The following PRORP variants were observed in gnomAD, a reference collection of about 807,000 sequenced individuals.
The protein encoded by PRORP is mitochondrial ribonuclease P catalytic subunit.
A neutral mutation model predicts 59.4 loss-of-function variants in PRORP; 51 were observed. The ratio of observed to expected loss-of-function variants is 0.86; its 90% CI spans 0.69 to 1.08. The LOEUF (loss-of-function observed/expected upper bound fraction) is 1.08, where lower values mean the gene tolerates loss of function less well. Ranked by LOEUF, PRORP falls within the 50% of genes least tolerant of loss-of-function variation. The pLI, the probability that PRORP is intolerant of heterozygous loss-of-function variation, is 0.00. For missense variants in PRORP, 646 were observed against 690.3 expected, an observed-to-expected ratio of 0.94 and a Z score of 0.72; for synonymous variants, 231 against 245.6, an observed-to-expected ratio of 0.94 and a Z score of 0.55.
intron 4 of PRORP, chr14:35,158,792 C>T (rs962726359): frequency 2.8e-6 from 1 of 355,072 alleles, no homozygotes; most frequent in African/African-American, 2.2e-5. Context: ...TTGATTAAAA[C>T]TTTGGATTGT....
chr14:35,177,715 T>C lies in PRORP; in HGVS notation c.1168-2955T>C, dbSNP rs1390653385. ...ACCAGCTCCTAGATTCATTGATTTT[T>C]TTGAAGGGTTTTTTGTGTCTCTGTC... On this transcript the variant is annotated intron_variant, in intron 4 of 7. Transcript: ENST00000534898. Among the ~76,000 whole-genome samples the C allele has an allele frequency of 2.6e-5, 4 of 152,226 alleles. No individual in the cohort carries two copies. The East Asian group carries it at 7.7e-4, about 29-fold the overall frequency.
chr14:35,125,635 A>C (rs2047078019), intron 2 of PRORP, among the ~76,000 whole-genome samples: 1 of 152,094 alleles, frequency 6.6e-6, no homozygotes, highest in Non-Finnish European at 1.5e-5. Context: ...ATTATGCTTA[A>C]TTATCTTAAA....
Position 35,274,634 on chromosome 14 carries a change from C to G in PRORP, c.*1068C>G, listed in dbSNP as rs769512661. On this transcript the variant is annotated 3_prime_UTR_variant, in exon 8 of 8. Transcript: ENST00000534898. ...CTGCACTCTAGCCTGGGTGACAGAG[C>G]GAGACCTTGTCTCAAAACAAAACAA... 3 of 152,148 alleles carry G rather than the reference C, an allele frequency of 2.0e-5. No homozygotes were observed. The highest frequency in any genetic ancestry group is 4.4e-5 in the Non-Finnish European group (3 of 68,060). 9.4% of individuals were successfully genotyped at this position (152,148 alleles called of 1,614,324 possible).
At position 35,123,699 on chromosome 14, in the gene PRORP, C is replaced by G; in HGVS notation, c.454C>G (p.His152Asp). 1 of 1,614,186 alleles carries G rather than the reference C, an allele frequency of 6.2e-7. No individual in the cohort carries two copies. The change falls in exon 2 of 8, where the codon CAT becomes GAT. Residue 152 changes from histidine to aspartate, a missense_variant. Coordinates refer to ENST00000534898, the MANE Select transcript of PRORP (RefSeq NM_014672.4). ...GATCATTTCACAGATGGCTGGCTGT[C>G]ATAGCTCTATAGATGTGGCTAAATC... ...SWIISQMAGC[H>D]SSIDVAKSLL...
intron 5 of PRORP, among the ~76,000 whole-genome samples, chr14:35,265,805 T>C (rs951605033): frequency 1.3e-4 from 20 of 152,200 alleles, no homozygotes; most frequent in African/African-American, 4.3e-4. Flanking sequence ...AGGTTTGACA[T>C]GTATAGGAAA....
intron 4 of PRORP, among the ~76,000 whole-genome samples, chr14:35,161,985 A>G (rs2048072053): frequency 6.6e-6 from 1 of 152,106 alleles, no homozygotes. Flanking sequence ...CATCTAGTTG[A>G]TAGTGGGCTA....
chr14:35,243,777 G>A (rs2050418944), intron 5 of PRORP, among the ~76,000 whole-genome samples: 2 of 152,042 alleles, frequency 1.3e-5, no homozygotes, highest in African/African-American at 4.8e-5. Flanking sequence ...AGTAGGAGTG[G>A]GTGGTAATAA....
At chr14:35,165,651 C>G (rs990512289) in intron 4 of PRORP, among the ~76,000 whole-genome samples, 4 of 151,718 alleles carry the variant, frequency 2.6e-5, no homozygotes, top group African/African-American at 4.8e-5. Context: ...TCATTTTTCC[C>G]AGAGTCTCAT....
At chr14:35,210,615 A>G (rs1289888250) in intron 5 of PRORP, among the ~76,000 whole-genome samples, 1 of 151,478 alleles carries the variant, frequency 6.6e-6, no homozygotes, top group Non-Finnish European at 1.5e-5. Context: ...TTGAAAATCA[A>G]CACATGCAAC....
intron 5 of PRORP, among the ~76,000 whole-genome samples, chr14:35,236,833 A>G (rs1438743641): frequency 1.3e-5 from 2 of 152,182 alleles, no homozygotes; most frequent in Non-Finnish European, 2.9e-5. Flanking sequence ...TTCCTGCCAG[A>G]CATCTACACC....
At chr14:35,211,189 G>T (rs1476823736) in intron 5 of PRORP, among the ~76,000 whole-genome samples, 1 of 152,114 alleles carries the variant, frequency 6.6e-6, no homozygotes, top group Non-Finnish European at 1.5e-5. Flanking sequence ...AGTGGAACTG[G>T]TGAACGTTTT....
chr14:35,183,802 G>A (rs1481575106), intron 5 of PRORP, among the ~76,000 whole-genome samples: 1 of 152,146 alleles, frequency 6.6e-6, no homozygotes, highest in Non-Finnish European at 1.5e-5. Flanking sequence ...AGTGAAAAGG[G>A]CTGGATGGTT....
chr14:35,272,220 A>C (rs2051211854), intron 7 of PRORP, among the ~76,000 whole-genome samples: 1 of 152,262 alleles, frequency 6.6e-6, no homozygotes, highest in Admixed American at 6.5e-5. Context: ...GGTAATGCTC[A>C]TGTTAATGAG....
chr14:35,201,948 G>A (rs1042013050), intron 5 of PRORP, among the ~76,000 whole-genome samples: 64 of 148,254 alleles, frequency 4.3e-4, no homozygotes, highest in South Asian at 2.1e-4. Flanking sequence ...ATGAGTCACC[G>A]TGCCCCGCCA....
intron 5 of PRORP, among the ~76,000 whole-genome samples, chr14:35,215,918 C>G (rs1368544205): frequency 1.3e-5 from 2 of 151,560 alleles, no homozygotes; most frequent in Admixed American, 6.6e-5. Context: ...AGGTGCCCAC[C>G]ACCACGCCTG....
rs2051151403 is a variant in PRORP at position 35,270,282 on chromosome 14, C to G, written c.1425-119C>G. On this transcript the variant is annotated intron_variant, in intron 6 of 7. Coordinates refer to ENST00000534898, the MANE Select transcript of PRORP (RefSeq NM_014672.4). ...GGTGGTTCTTAAGTATTACTAGCATCATGTTGGTCAAGAAATCAGAGGCAC... is the reference window on the plus strand; with the variant it reads ...GGTGGTTCTTAAGTATTACTAGCATGATGTTGGTCAAGAAATCAGAGGCAC... 52 of 871,862 alleles carry G rather than the reference C, an allele frequency of 6.0e-5. No individual in the cohort carries two copies. In the South Asian group the frequency reaches 8.0e-4, roughly 13 times the overall value. The allele number at this position is 871,862 out of a possible 1,614,324, so 54.0% of individuals were successfully genotyped here.
intron 4 of PRORP, among the ~76,000 whole-genome samples, chr14:35,138,050 G>A (rs1384199258): frequency 6.9e-6 from 1 of 145,852 alleles, no homozygotes; most frequent in Non-Finnish European, 1.5e-5. Flanking sequence ...CTGGATTCTA[G>A]AAGTCCAAGA....
intron 4 of PRORP, among the ~76,000 whole-genome samples, chr14:35,152,633 A>G (rs2047794227): frequency 6.6e-6 from 1 of 150,884 alleles, no homozygotes; most frequent in African/African-American, 2.4e-5. Context: ...TCCCTCCCAG[A>G]CAGGGCGGCT....
In PRORP at chr14:35,266,724, T is replaced by C; in HGVS notation, c.1276-3T>C. The C allele has an allele frequency of 1.2e-6, 2 of 1,612,974 alleles. No individual in the cohort carries two copies. The highest frequency in any genetic ancestry group is 1.7e-6 in the Non-Finnish European group (2 of 1,179,660). Reference sequence around the variant, plus strand: ...TTTGTGGTTCTGGCTTTGTGTTTTTTAGCTCTTGAATGTCGTCTCTCAACT... The same window carrying C: ...TTTGTGGTTCTGGCTTTGTGTTTTTCAGCTCTTGAATGTCGTCTCTCAACT... On this transcript the variant is annotated splice_region_variant and splice_polypyrimidine_tract_variant and intron_variant, in intron 5 of 7. Coordinates refer to ENST00000534898, the MANE Select transcript of PRORP (RefSeq NM_014672.4).
Sources: gnomAD v4.1 joint callset for allele counts (sites outside exome capture counted in the v4.1 genomes callset) on GRCh38, gnomAD v4.1.1 for gene constraint, MANE v1.5 for transcripts, NCBI Gene and HGNC (gene_info 2026-07-23, HGNC 2026-07-21) for gene names.